The following EPHA7 variants were observed in gnomAD, a reference collection of about 807,000 sequenced individuals.
EPHA7 encodes EPH receptor A7.
EPHA7 carries 25 observed loss-of-function variants against 112.6 expected under a neutral mutation model. That is an observed-to-expected ratio of 0.22 (90% CI 0.16 to 0.31). The LOEUF is 0.31. EPHA7 is among the 10% of genes least tolerant of loss of function. EPHA7 has a pLI of 1.00. For synonymous variants in EPHA7, 437 were observed against 406.5 expected (o/e 1.07, Z -0.90); for missense variants, 962 against 1,212.6 (o/e 0.79, Z 3.07).
chr6:93,305,103 T>G (rs962922946), intron 5 of EPHA7, among the ~76,000 whole-genome samples: 3 of 150,560 alleles, frequency 2.0e-5, no homozygotes, highest in East Asian at 1.9e-4. Context: ...TTTTTATGTG[T>G]TTTTTTTTGT....
chr6:93,324,789 T>C (rs561510907), intron 5 of EPHA7, among the ~76,000 whole-genome samples: 2 of 151,522 alleles, frequency 1.3e-5, no homozygotes, highest in East Asian at 1.9e-4. Flanking sequence ...CATAAAAGCA[T>C]TGAGAACTTC....
chr6:93,277,474 A>G (rs142089238), intron 5 of EPHA7, among the ~76,000 whole-genome samples: 16 of 152,058 alleles, frequency 1.1e-4, no homozygotes, highest in African/African-American at 2.9e-4. Flanking sequence ...AGAATGATAC[A>G]TATGCAATTT....
chr6:93,328,945 G>T (rs1017277544), intron 5 of EPHA7, among the ~76,000 whole-genome samples: 1 of 151,320 alleles, frequency 6.6e-6, no homozygotes, highest in Non-Finnish European at 1.5e-5. Context: ...AAAACAGCAA[G>T]TCAAGGTCAC....
chr6:93,369,464 G>A (rs1466682337), intron 3 of EPHA7, among the ~76,000 whole-genome samples: 1 of 152,106 alleles, frequency 6.6e-6, no homozygotes, highest in African/African-American at 2.4e-5. Flanking sequence ...AACAAACTCT[G>A]CAGAAAAAGT....
intron 3 of EPHA7, among the ~76,000 whole-genome samples, chr6:93,374,564 A>G (rs1465529481): frequency 6.6e-6 from 1 of 152,188 alleles, no homozygotes; most frequent in Non-Finnish European, 1.5e-5. Flanking sequence ...ATGTATATTT[A>G]TAGTCATTGT....
At chr6:93,308,399 A>G (rs889169001) in intron 5 of EPHA7, among the ~76,000 whole-genome samples, 10 of 151,974 alleles carry the variant, frequency 6.6e-5, no homozygotes, top group African/African-American at 2.4e-4. Flanking sequence ...TTATTTATTT[A>G]CTTTTTTTAG....
intron 5 of EPHA7, among the ~76,000 whole-genome samples, chr6:93,314,564 C>T (rs1470061303): frequency 6.6e-6 from 1 of 152,064 alleles, no homozygotes; most frequent in Admixed American, 6.6e-5. Context: ...GCAACAAGAC[C>T]ACCTTACAGA....
intron 5 of EPHA7, among the ~76,000 whole-genome samples, chr6:93,336,368 G>C (rs1774870730): frequency 6.6e-6 from 1 of 152,096 alleles, no homozygotes. Context: ...GTAGTGGGCA[G>C]TCAAATGTAC....
chr6:93,255,774 G>A (rs62414217), intron 13 of EPHA7, 54 bp downstream of exon 13: 85,235 of 1,471,876 alleles, frequency 0.058, 2,862 homozygotes, highest in Non-Finnish European at 0.07. Context: ...TCCTGCTTTC[G>A]TGGTAGAAAA....
At chr6:93,404,215 C>T (rs1778576705) in intron 3 of EPHA7, among the ~76,000 whole-genome samples, 2 of 151,536 alleles carry the variant, frequency 1.3e-5, no homozygotes, top group South Asian at 4.2e-4. Flanking sequence ...TGATGGCCAT[C>T]TAAAGAAAAA....
At chr6:93,347,543 C>T (rs1418645459) in intron 5 of EPHA7, among the ~76,000 whole-genome samples, 1 of 151,826 alleles carries the variant, frequency 6.6e-6, no homozygotes, top group African/African-American at 2.4e-5. Context: ...AAAATAAAGA[C>T]TTTTCAGGAT....
At position 93,410,836 on chromosome 6, in the gene EPHA7, T is replaced by C. The variant is rs754092318; in HGVS notation, c.497A>G (p.Lys166Arg). The C allele has an allele frequency of 6.2e-7, 1 of 1,613,990 alleles. No homozygotes were observed. Among genetic ancestry groups the C allele is most frequent in the South Asian group, 1.1e-5 (1 of 91,080 alleles). Reference sequence around the variant, plus strand: ...AATCTCTCTCACCTCAGTGTTAAGCTTCATCTTTCTTTCACCAAGGTCACC... The same window carrying C: ...AATCTCTCTCACCTCAGTGTTAAGCCTCATCTTTCTTTCACCAAGGTCACC... ...TQGDLGERKM[K>R]LNTEVREIGP... Residue 166 changes from lysine (K) to arginine (R), a missense_variant, in exon 3 of 17, where the codon AAG becomes AGG. Lys to Arg is a conservative substitution (Grantham distance 26). Coordinates refer to ENST00000369303, the MANE Select transcript of EPHA7 (RefSeq NM_004440.4). The surrounding 1 kb of genome is among the most constrained non-coding windows in gnomAD (Gnocchi z 4.0).
chr6:93,288,042 T>C (rs1444334079), intron 5 of EPHA7, among the ~76,000 whole-genome samples: 1 of 152,118 alleles, frequency 6.6e-6, no homozygotes, highest in African/African-American at 2.4e-5. Flanking sequence ...GAGTTAAATA[T>C]AAAGTTACCA....
chr6:93,405,288 A>C (rs1457527725), intron 3 of EPHA7, among the ~76,000 whole-genome samples: 1 of 151,914 alleles, frequency 6.6e-6, no homozygotes, highest in Admixed American at 6.6e-5. Context: ...AAGTTCAATC[A>C]AGGTGATACA....
Position 93,254,730 on chromosome 6 carries a change from T to G in EPHA7, c.2449A>C (p.Ser817Arg). ...ACTATTCCATAGCTCCATACATCAC[T>G]GGCTGATGTGAATTTCCGGTACTGG... is the stretch of plus-strand genomic sequence containing the variant. ...AIQYRKFTSA[S>R]DVWSYGIVMW... The change falls in exon 14 of 17, where the codon AGT (serine) becomes CGT (arginine). Residue 817 changes from serine (S) to arginine (R), a missense_variant. Around this residue, in one of 3 missense-constraint regions of EPHA7, gnomAD observed 746 missense variants for 889.2 expected, o/e 0.84. Coordinates refer to ENST00000369303, the MANE Select transcript of EPHA7 (RefSeq NM_004440.4). 1 of 1,613,362 alleles carries G rather than the reference T, an allele frequency of 6.2e-7. No individual in the cohort carries two copies.
chr6:93,280,365 A>G (rs145140190), intron 5 of EPHA7, among the ~76,000 whole-genome samples: 2,037 of 152,320 alleles, frequency 0.013, 43 homozygotes, highest in Admixed American at 0.015. Flanking sequence ...CTTTATATCA[A>G]TTAGATAATA....
chr6:93,245,167 G>T, intron 16 of EPHA7, 131 bp downstream of exon 16: 1 of 847,344 alleles, frequency 1.2e-6, no homozygotes, highest in Non-Finnish European at 1.8e-6. Context: ...GTAAGAACTT[G>T]TTAAAGAAGT....
intron 3 of EPHA7, among the ~76,000 whole-genome samples, chr6:93,398,022 C>T (rs1778264918): frequency 1.3e-5 from 2 of 151,848 alleles, no homozygotes; most frequent in African/African-American, 4.8e-5. Flanking sequence ...GTCTCTGCAA[C>T]AGAGTATATA....
chr6:93,301,127 T>C (rs548257435), intron 5 of EPHA7, among the ~76,000 whole-genome samples: 1 of 152,322 alleles, frequency 6.6e-6, no homozygotes, highest in East Asian at 1.9e-4. Context: ...ACTGTATCTC[T>C]CATACAGGTG....
Sources: gnomAD v4.1 joint callset for allele counts (sites outside exome capture counted in the v4.1 genomes callset) on GRCh38, gnomAD v4.1.1 for gene constraint, gnomAD v4.1.1 regional missense constraint, Gnocchi (gnomAD v3.1) non-coding constraint, MANE v1.5 for transcripts, NCBI Gene and HGNC (gene_info 2026-07-23, HGNC 2026-07-21) for gene names.